Variants in DNAH6 observed in about 807,000 individuals in gnomAD.
The protein encoded by DNAH6 is axonemal beta dynein heavy chain 6.
Under a neutral mutation model 491.4 loss-of-function variants are expected in DNAH6, and 340 were observed. The ratio of observed to expected loss-of-function variants is 0.69; its 90% CI spans 0.63 to 0.76. The LOEUF (loss-of-function observed/expected upper bound fraction) is 0.76, where lower values mean the gene tolerates loss of function less well. DNAH6 is among the 30% of genes least tolerant of loss of function. The probability of loss-of-function intolerance (pLI) is 0.00; values close to 1 mark genes in which losing one functional copy is unlikely to be tolerated. For synonymous variants in DNAH6, 1,603 were observed against 1,686.1 expected (o/e 0.95, Z 1.21); for missense variants, 4,443 against 4,972.2 (o/e 0.89, Z 3.20).
chr2:84,483,279 TA>T, the DNAH6 span, among the ~76,000 whole-genome samples: 1 of 152,024 alleles, frequency 6.6e-6, no homozygotes, highest in East Asian at 1.9e-4. Context: ...TTTGTATTTT[TA>T]AAAAACTCCC....
rs113447548 is a variant in DNAH6, at chr2:84,568,588, G to A, written c.1804-4879G>A. Among the ~76,000 whole-genome samples the A allele has an allele frequency of 7.8e-3, 1,180 of 152,206 alleles. 5 individuals carry two copies. Among genetic ancestry groups the A allele is most frequent in the Middle Eastern group, 0.02 (6 of 294 alleles). The stretch of plus-strand genomic sequence containing the variant: ...GGGTCTGTGGGGAGGGAGAACAACA[G>A]GATAAATAGCAAATACATGTGGGGC... On this transcript the variant is annotated intron_variant, in intron 11 of 76. Transcript: ENST00000389394.
chr2:84,614,802 T>C (rs1394655582), intron 22 of DNAH6, among the ~76,000 whole-genome samples: 1 of 152,184 alleles, frequency 6.6e-6, no homozygotes, highest in African/African-American at 2.4e-5. Context: ...TTTTCATGTT[T>C]ATAGCCCATT....
At chr2:84,539,208 C>A (rs1343526637) in intron 4 of DNAH6, among the ~76,000 whole-genome samples, 1 of 152,016 alleles carries the variant, frequency 6.6e-6, no homozygotes, top group Non-Finnish European at 1.5e-5. Context: ...GTTAATCAAA[C>A]CAGAAATAAA....
chr2:84,676,642 A>G (rs547427449), intron 40 of DNAH6, among the ~76,000 whole-genome samples: 6 of 152,382 alleles, frequency 3.9e-5, no homozygotes, highest in East Asian at 1.9e-4. Context: ...CCAGTGCTCC[A>G]GCCAACTTTA....
intron 18 of DNAH6, among the ~76,000 whole-genome samples, chr2:84,597,635 GT>G (rs1450597019): frequency 6.6e-6 from 1 of 152,204 alleles, no homozygotes; most frequent in East Asian, 1.9e-4. Flanking sequence ...TTGAAAACGT[GT>G]GTTCACGCAG....
At chr2:84,774,435 G>C (rs1449049451) in intron 64 of DNAH6, among the ~76,000 whole-genome samples, 1 of 151,932 alleles carries the variant, frequency 6.6e-6, no homozygotes, top group Non-Finnish European at 1.5e-5. Context: ...GTCTATTTTT[G>C]TACCAGTACC....
At chr2:84,515,467 T>G (rs1294997263), upstream of DNAH6, among the ~76,000 whole-genome samples, 1 of 152,236 alleles carries the variant, frequency 6.6e-6, no homozygotes, top group Non-Finnish European at 1.5e-5. Flanking sequence ...TAGCTCTATC[T>G]GTGATTTAGA....
chr2:84,744,420 C>G (rs1672778950), intron 62 of DNAH6, among the ~76,000 whole-genome samples: 1 of 152,178 alleles, frequency 6.6e-6, no homozygotes, highest in South Asian at 2.1e-4. Flanking sequence ...AACTTTCATA[C>G]AAGATACAAA....
rs1439544861 is a variant in DNAH6, at chr2:84,658,255, TC to T, written c.5758-36del. 12 of 1,348,796 alleles carry T rather than the reference TC, an allele frequency of 8.9e-6. No individual in the cohort carries two copies. The South Asian group carries it at 2.0e-4, about 22-fold the overall frequency. 83.6% of individuals were successfully genotyped at this position (1,348,796 alleles called of 1,614,324 possible). ...AATTCTAAACTTAATTATATATTTA[TC>T]AGGTCTTGCTAAACTATCATTTGTT... On this transcript the variant is annotated intron_variant, in intron 35 of 76. Coordinates refer to ENST00000389394, the MANE Select transcript of DNAH6 (RefSeq NM_001370.2).
chr2:84,585,442 T>C (rs1683439518), intron 15 of DNAH6, among the ~76,000 whole-genome samples: 1 of 152,118 alleles, frequency 6.6e-6, no homozygotes, highest in Non-Finnish European at 1.5e-5. Context: ...AGGAGCTTTA[T>C]TCAGTGTTAG....
intron 64 of DNAH6, among the ~76,000 whole-genome samples, chr2:84,768,857 G>A (rs999667245): frequency 1.3e-5 from 2 of 152,134 alleles, no homozygotes; most frequent in African/African-American, 2.4e-5. Flanking sequence ...TAAATGCAAG[G>A]ACCAAGAATA....
chr2:84,571,369 TCA>T (rs1461810052), intron 11 of DNAH6, among the ~76,000 whole-genome samples: 3 of 152,194 alleles, frequency 2.0e-5, no homozygotes, highest in African/African-American at 7.2e-5. Context: ...GGAAAATAGT[TCA>T]CAGTGATAAG....
intron 18 of DNAH6, among the ~76,000 whole-genome samples, chr2:84,598,369 G>T (rs72941045): frequency 6.6e-6 from 1 of 151,924 alleles, no homozygotes; most frequent in Non-Finnish European, 1.5e-5. Flanking sequence ...TTATATAGAT[G>T]TACCATAGTT....
At chr2:84,597,943 G>A (rs1684770653) in intron 18 of DNAH6, among the ~76,000 whole-genome samples, 1 of 151,958 alleles carries the variant, frequency 6.6e-6, no homozygotes, top group Admixed American at 6.6e-5. Flanking sequence ...CAACATAGTG[G>A]GACCTGATGT....
At chr2:84,654,010 C>G (rs1289751103) in intron 34 of DNAH6, 136 bp downstream of exon 34, 1 of 699,134 alleles carries the variant, frequency 1.4e-6, no homozygotes, top group African/African-American at 1.8e-5. Flanking sequence ...CTTATTAAGT[C>G]ATCCTTTTGT....
chr2:84,606,004 A>C (rs1685722828), intron 20 of DNAH6, among the ~76,000 whole-genome samples: 1 of 152,200 alleles, frequency 6.6e-6, no homozygotes, highest in African/African-American at 2.4e-5. Context: ...CTGAATGAGC[A>C]TTTCCTGTTT....
At chr2:84,779,843 C>A (rs903962812) in intron 64 of DNAH6, among the ~76,000 whole-genome samples, 1 of 152,142 alleles carries the variant, frequency 6.6e-6, no homozygotes, top group Non-Finnish European at 1.5e-5. Flanking sequence ...TAAAGAATTG[C>A]CTTAGCAATT....
intron 11 of DNAH6, among the ~76,000 whole-genome samples, chr2:84,572,312 A>G (rs1020248581): frequency 6.6e-6 from 1 of 152,222 alleles, no homozygotes; most frequent in African/African-American, 2.4e-5. Flanking sequence ...AGAGATATGC[A>G]GTTCTTTGTA....
chr2:84,552,805 A>C (rs1397060203), intron 9 of DNAH6, 113 bp from the exon 10 acceptor site: 1 of 518,710 alleles, frequency 1.9e-6, no homozygotes, highest in Non-Finnish European at 3.4e-6. Context: ...ACATGCCAAG[A>C]TAATGAATTC....
Sources: allele counts gnomAD v4.1 joint callset (sites outside exome capture counted in the v4.1 genomes callset), GRCh38; gene constraint gnomAD v4.1.1; transcripts MANE v1.5; gene names NCBI Gene and HGNC (gene_info 2026-07-23, HGNC 2026-07-21).